Variants in MACROD2 observed in about 807,000 individuals in gnomAD.
MACROD2 encodes ADP-ribose glycohydrolase MACROD2.
A neutral mutation model predicts 70.4 loss-of-function variants in MACROD2; 36 were observed. That is an observed-to-expected ratio of 0.51 (90% CI 0.39 to 0.68). The LOEUF (loss-of-function observed/expected upper bound fraction) is 0.68. Among genes scored for constraint, MACROD2 ranks in the 30% least tolerant of loss-of-function variants. The probability of loss-of-function intolerance (pLI) is 0.00; values close to 1 mark genes in which losing one functional copy is unlikely to be tolerated. For synonymous variants in MACROD2, 172 were observed against 178.8 expected (o/e 0.96, Z 0.30); for missense variants, 496 against 538.4 (o/e 0.92, Z 0.78).
intron 5 of MACROD2, among the ~76,000 whole-genome samples, chr20:15,031,488 A>G (rs6110499): frequency 0.12 from 17,698 of 152,128 alleles, 2,843 homozygotes; most frequent in African/African-American, 0.37. Context: ...GAGTGACAGA[A>G]CAGCTCTCAG....
chr20:15,877,057 C>A (rs111805483), intron 9 of MACROD2, among the ~76,000 whole-genome samples: 14 of 152,164 alleles, frequency 9.2e-5, no homozygotes, highest in East Asian at 1.9e-4. Context: ...GAAACCATTG[C>A]GTATTTGATC....
intron 6 of MACROD2, among the ~76,000 whole-genome samples, chr20:15,300,963 C>T (rs1484552045): frequency 6.6e-6 from 1 of 152,190 alleles, no homozygotes; most frequent in Non-Finnish European, 1.5e-5. Context: ...GGGGAGAGAA[C>T]AGAGGCCTCT....
intron 6 of MACROD2, among the ~76,000 whole-genome samples, chr20:15,423,758 G>C (rs748328096): frequency 1.3e-5 from 2 of 152,088 alleles, no homozygotes; most frequent in Non-Finnish European, 2.9e-5. Flanking sequence ...TGGGAATTAG[G>C]TTTCAGCGTA....
intron 7 of MACROD2, among the ~76,000 whole-genome samples, chr20:15,465,927 C>T (rs2146424116): frequency 6.6e-6 from 1 of 152,312 alleles, no homozygotes; most frequent in Admixed American, 6.5e-5. Flanking sequence ...GGGTCCTCAG[C>T]TCCGTGGACA....
At chr20:15,007,661 T>C (rs1311170236) in intron 5 of MACROD2, among the ~76,000 whole-genome samples, 1 of 152,222 alleles carries the variant, frequency 6.6e-6, no homozygotes, top group East Asian at 1.9e-4. Flanking sequence ...AGGATGAGAC[T>C]CTTTTCTGGC....
chr20:14,615,503 T>C (rs1377356096), intron 4 of MACROD2, among the ~76,000 whole-genome samples: 1 of 152,102 alleles, frequency 6.6e-6, no homozygotes, highest in Non-Finnish European at 1.5e-5. Context: ...CAATTTGATA[T>C]TTAAGGATGG....
intron 6 of MACROD2, among the ~76,000 whole-genome samples, chr20:15,258,129 G>A (rs2077215935): frequency 6.6e-6 from 1 of 151,968 alleles, no homozygotes; most frequent in South Asian, 2.1e-4. Flanking sequence ...CAATGTCTTT[G>A]TGTTTTAAGC....
chr20:15,112,669 A>T (rs989526925), intron 5 of MACROD2, among the ~76,000 whole-genome samples: 1 of 152,162 alleles, frequency 6.6e-6, no homozygotes, highest in African/African-American at 2.4e-5. Context: ...CATTTTATTC[A>T]ATTTTAAGTG....
rs180902851 is a variant in MACROD2, at chr20:14,061,208, A to G, written c.164-24413A>G. Among the ~76,000 whole-genome samples the G allele has an allele frequency of 5.3e-5, 8 of 152,286 alleles. No individual in the cohort carries two copies. In the East Asian group the frequency reaches 9.6e-4, roughly 18 times the overall value. The stretch of plus-strand genomic sequence containing the variant: ...AGGTACACTATTGATTACATCTTCT[A>G]TTAATAGACTATTCCACTGAAATAA... On this transcript the variant is annotated intron_variant, in intron 2 of 17. Transcript: ENST00000684519.
chr20:15,290,957 A>T (rs548965881), intron 6 of MACROD2, among the ~76,000 whole-genome samples: 1 of 152,360 alleles, frequency 6.6e-6, no homozygotes, highest in South Asian at 2.1e-4. Flanking sequence ...TTGCAATAAA[A>T]TGAAAACATG....
At chr20:14,087,192 C>T (rs575558213) in intron 3 of MACROD2, among the ~76,000 whole-genome samples, 9 of 151,948 alleles carry the variant, frequency 5.9e-5, no homozygotes, top group African/African-American at 1.9e-4. Flanking sequence ...GGTAGGAATT[C>T]GAGACCAGCC....
chr20:16,036,514 T>A (rs1199800078), intron 15 of MACROD2, among the ~76,000 whole-genome samples: 1 of 152,036 alleles, frequency 6.6e-6, no homozygotes, highest in East Asian at 1.9e-4. Context: ...TATTTCTGCA[T>A]CTTTTATCCC....
chr20:15,205,408 T>C (rs2076693209), intron 5 of MACROD2, among the ~76,000 whole-genome samples: 1 of 151,980 alleles, frequency 6.6e-6, no homozygotes, highest in Non-Finnish European at 1.5e-5. Context: ...TAGGATAATA[T>C]GGTCAGAAGT....
chr20:15,246,835 C>T (rs1601295093), intron 6 of MACROD2, among the ~76,000 whole-genome samples: 3 of 152,234 alleles, frequency 2.0e-5, no homozygotes, highest in East Asian at 3.9e-4. Flanking sequence ...ATGTCCACCA[C>T]CTGATGAATA....
intron 3 of MACROD2, among the ~76,000 whole-genome samples, chr20:14,356,158 T>G (rs2083170151): frequency 1.3e-5 from 2 of 152,196 alleles, no homozygotes; most frequent in African/African-American, 2.4e-5. Flanking sequence ...ACTTAATCTC[T>G]GTGTGTGTGT....
At chr20:15,469,133 GA>G (rs1175614462) in intron 7 of MACROD2, among the ~76,000 whole-genome samples, 1 of 152,138 alleles carries the variant, frequency 6.6e-6, no homozygotes, top group African/African-American at 2.4e-5. Context: ...GAGGAATTAA[GA>G]AATTAAAAAG....
At position 15,115,778 on chromosome 20, in the gene MACROD2, T is replaced by C. The variant is rs568043193; in HGVS notation, c.419-114162T>C. 8.9e-4 allele frequency among the ~76,000 whole-genome samples: 136 copies of C among 152,256 alleles called. 1 individual carries two copies. Among genetic ancestry groups the C allele is most frequent in the Non-Finnish European group, 1.6e-3 (108 of 68,016 alleles). On this transcript the variant is annotated intron_variant, in intron 5 of 17. Transcript: ENST00000684519. ...GATAAATCAGAAGATGTATACTGTA[T>C]GTAGCGATGAAAACATAATTTTTTA...
intron 3 of MACROD2, among the ~76,000 whole-genome samples, chr20:14,138,114 G>T (rs1024908230): frequency 5.3e-5 from 8 of 152,154 alleles, no homozygotes; most frequent in African/African-American, 1.9e-4. Context: ...ACAAGTGTTG[G>T]TGATGATGTG....
chr20:14,046,938 TAAAC>T (rs1164117272), intron 2 of MACROD2, among the ~76,000 whole-genome samples: 2 of 151,992 alleles, frequency 1.3e-5, no homozygotes, highest in Non-Finnish European at 2.9e-5. Flanking sequence ...AATGGGTAAA[TAAAC>T]TGTGGTATAT....
Sources: gnomAD v4.1 joint callset for allele counts (sites outside exome capture counted in the v4.1 genomes callset) on GRCh38, gnomAD v4.1.1 for gene constraint, MANE v1.5 for transcripts, NCBI Gene and HGNC (gene_info 2026-07-23, HGNC 2026-07-21) for gene names.